Variants in ADK observed in about 807,000 individuals in gnomAD.
ADK encodes N6,N6-dimethyladenosine kinase.
In ADK, 24 loss-of-function variants were observed where a neutral mutation model predicts 44.7. That is an observed-to-expected ratio of 0.54 (90% CI 0.39 to 0.76). The LOEUF (loss-of-function observed/expected upper bound fraction) is 0.76, where lower values mean the gene tolerates loss of function less well. ADK is among the 30% of genes least tolerant of loss of function. ADK has a pLI of 0.00. For synonymous variants in ADK, 128 were observed against 142.6 expected (o/e 0.90, Z 0.73); for missense variants, 321 against 425.1 (o/e 0.76, Z 2.15).
intron 7 of ADK, among the ~76,000 whole-genome samples, chr10:74,585,113 A>T (rs753603346): frequency 1.3e-5 from 2 of 152,076 alleles, no homozygotes; most frequent in African/African-American, 2.4e-5. Context: ...ATAGCTCTTA[A>T]TGTAAGTATT....
intron 6 of ADK, among the ~76,000 whole-genome samples, chr10:74,405,363 ATTC>A (rs1843881352): frequency 6.9e-6 from 1 of 145,388 alleles, no homozygotes; most frequent in African/African-American, 2.6e-5. Flanking sequence ...TCAGCGGAGG[ATTC>A]TTTTTTTTTT....
chr10:74,521,841 A>G (rs1057014621), intron 6 of ADK, among the ~76,000 whole-genome samples: 2 of 152,250 alleles, frequency 1.3e-5, no homozygotes, highest in Non-Finnish European at 1.5e-5. Context: ...TTTAAAAATA[A>G]TAACTAAGAC....
intron 6 of ADK, among the ~76,000 whole-genome samples, chr10:74,521,046 A>C (rs1301937252): frequency 6.6e-6 from 1 of 152,066 alleles, no homozygotes; most frequent in Non-Finnish European, 1.5e-5. Context: ...TTACATGTAG[A>C]AAAAAAATTT....
At chr10:74,534,099 G>A (rs1269691570) in intron 7 of ADK, among the ~76,000 whole-genome samples, 1 of 152,168 alleles carries the variant, frequency 6.6e-6, no homozygotes, top group Non-Finnish European at 1.5e-5. Flanking sequence ...CAGATCCATT[G>A]TTGTCTGGGG....
At chr10:74,194,448 G>A (rs995516799) in intron 1 of ADK, among the ~76,000 whole-genome samples, 10 of 152,046 alleles carry the variant, frequency 6.6e-5, no homozygotes, top group African/African-American at 1.2e-4. Flanking sequence ...ATGAATAATG[G>A]CATCTTAGAT....
chr10:74,167,075 T>C (rs755320323), intron 1 of ADK, among the ~76,000 whole-genome samples: 4 of 152,212 alleles, frequency 2.6e-5, no homozygotes, highest in Admixed American at 6.5e-5. Context: ...ATTGAGTACC[T>C]AAGAGGTAAG....
At chr10:74,259,183 G>C (rs186403943) in intron 3 of ADK, among the ~76,000 whole-genome samples, 11 of 151,942 alleles carry the variant, frequency 7.2e-5, no homozygotes, top group African/African-American at 2.4e-4. Flanking sequence ...GGCCTCAAGT[G>C]ATCTGCCTGC....
chr10:74,592,021 A>G (rs1851741723), intron 8 of ADK, among the ~76,000 whole-genome samples: 4 of 151,970 alleles, frequency 2.6e-5, no homozygotes, highest in Admixed American at 2.6e-4. Context: ...GCTTCTCTGC[A>G]AATTTTACTT....
At chr10:74,302,604 G>A (rs1840097150) in intron 3 of ADK, among the ~76,000 whole-genome samples, 1 of 152,008 alleles carries the variant, frequency 6.6e-6, no homozygotes, top group Admixed American at 6.6e-5. Flanking sequence ...ACCAGCCGGA[G>A]CAACTTGGCA....
At chr10:74,461,146 A>AT (rs146591951) in intron 6 of ADK, among the ~76,000 whole-genome samples, 44 of 148,834 alleles carry the variant, frequency 3.0e-4, no homozygotes, top group Middle Eastern at 3.5e-3. Flanking sequence ...CGGAAATAGA[A>AT]TTTTTTTTTT....
chr10:74,170,369 A>G (rs2132053406), intron 1 of ADK, among the ~76,000 whole-genome samples: 1 of 152,296 alleles, frequency 6.6e-6, no homozygotes, highest in East Asian at 1.9e-4. Flanking sequence ...AATTAGCCCA[A>G]TTTGTCTAAA....
At chr10:74,483,213 A>C (rs1847136552) in intron 6 of ADK, among the ~76,000 whole-genome samples, 1 of 152,096 alleles carries the variant, frequency 6.6e-6, no homozygotes, top group Non-Finnish European at 1.5e-5. Context: ...CTGCATACCC[A>C]CAGGCTAAAC....
intron 7 of ADK, among the ~76,000 whole-genome samples, chr10:74,580,162 C>A (rs563323449): frequency 8.5e-5 from 13 of 152,280 alleles, no homozygotes; most frequent in African/African-American, 3.1e-4. Context: ...ATCCAAATCT[C>A]ACCTTGAATT....
chr10:74,660,287 C>T (rs1330361385), intron 9 of ADK, among the ~76,000 whole-genome samples: 1 of 152,112 alleles, frequency 6.6e-6, no homozygotes, highest in Non-Finnish European at 1.5e-5. Context: ...CACCACCACA[C>T]CTGGCTAGTT....
At chr10:74,217,518 T>A (rs1363825396) in intron 2 of ADK, among the ~76,000 whole-genome samples, 4 of 152,188 alleles carry the variant, frequency 2.6e-5, no homozygotes, top group African/African-American at 7.2e-5. Flanking sequence ...AAGAGAGCAG[T>A]GGTTCTCCCA....
intron 6 of ADK, among the ~76,000 whole-genome samples, chr10:74,474,915 C>G (rs982665807): frequency 6.6e-6 from 1 of 152,158 alleles, no homozygotes; most frequent in Non-Finnish European, 1.5e-5. Context: ...ATCATGAGGT[C>G]AGGAGATCGA....
chr10:74,209,335 CTTG>C (rs1168979819), intron 2 of ADK, among the ~76,000 whole-genome samples: 2 of 152,192 alleles, frequency 1.3e-5, no homozygotes, highest in East Asian at 3.8e-4. Context: ...AGACACCAAT[CTTG>C]CTGGTGCCTT....
chr10:74,224,389 A>C, intron 2 of ADK, 149 bp from the exon 3 acceptor site: 1 of 687,012 alleles, frequency 1.5e-6, no homozygotes, highest in Non-Finnish European at 2.7e-6. Context: ...ATAGAACAGC[A>C]AAAAACCGTC....
intron 3 of ADK, among the ~76,000 whole-genome samples, chr10:74,284,489 C>T (rs1188683672): frequency 6.6e-6 from 1 of 152,192 alleles, no homozygotes; most frequent in East Asian, 1.9e-4. Flanking sequence ...GCCTGGAACT[C>T]CCAACCTCAG....
Sources: gnomAD v4.1 joint callset for allele counts (sites outside exome capture counted in the v4.1 genomes callset) on GRCh38, gnomAD v4.1.1 for gene constraint, MANE v1.5 for transcripts, NCBI Gene and HGNC (gene_info 2026-07-23, HGNC 2026-07-21) for gene names.